Variants in NTRK3 observed in about 807,000 individuals in gnomAD.
The protein encoded by NTRK3 is NT-3 growth factor receptor.
In NTRK3, 24 loss-of-function variants were observed where a neutral mutation model predicts 91.7. The ratio of observed to expected loss-of-function variants is 0.26; its 90% CI spans 0.19 to 0.37. The LOEUF (loss-of-function observed/expected upper bound fraction) is 0.37. Ranked by LOEUF, NTRK3 falls within the 10% of genes least tolerant of loss-of-function variation. The pLI is 1.00. For missense variants in NTRK3, 880 were observed against 1,068.9 expected (o/e 0.82, Z 2.46); for synonymous variants, 483 against 404.0 (o/e 1.20, Z -2.34).
chr15:87,889,406 T>C (rs1393774201), intron 17 of NTRK3, among the ~76,000 whole-genome samples: 3 of 142,518 alleles, frequency 2.1e-5, no homozygotes, highest in Non-Finnish European at 4.6e-5. Flanking sequence ...CTTTTTTTTT[T>C]TTTTTTTTTT....
chr15:88,247,967 C>G (rs77389975), intron 3 of NTRK3, among the ~76,000 whole-genome samples: 15 of 152,202 alleles, frequency 9.9e-5, no homozygotes, highest in Non-Finnish European at 7.3e-5. Flanking sequence ...TAGACACCCC[C>G]CTTTTGCTCT....
chr15:87,979,611 G>GGATT, intron 14 of NTRK3: 1 of 652,496 alleles, frequency 1.5e-6, no homozygotes, highest in South Asian at 1.8e-5. Context: ...TAGGAGGAGG[G>GGATT]GATTAACTTA....
At chr15:88,138,210 G>A (rs931515219) in intron 6 of NTRK3, among the ~76,000 whole-genome samples, 7 of 151,308 alleles carry the variant, frequency 4.6e-5, no homozygotes, top group South Asian at 4.2e-4. Context: ...GAGACCATCC[G>A]GATTAACACT....
chr15:87,980,721 T>C (rs1262736251), intron 14 of NTRK3, among the ~76,000 whole-genome samples: 4 of 152,168 alleles, frequency 2.6e-5, no homozygotes, highest in African/African-American at 9.7e-5. Context: ...GGACATGCTA[T>C]GGACAAAACA....
chr15:88,199,857 G>A lies in NTRK3; in HGVS notation c.249-15558C>T, dbSNP rs947342289. Among the ~76,000 whole-genome samples the A allele has an allele frequency of 3.9e-5, 6 of 152,320 alleles. No homozygotes were observed. In the East Asian group the frequency reaches 1.2e-3, roughly 29 times the overall value. On this transcript the variant is annotated intron_variant, in intron 3 of 18. Coordinates refer to ENST00000394480, the Ensembl canonical transcript of NTRK3. The stretch of plus-strand genomic sequence containing the variant: ...TTGGGAATGTAGAACCTCACAGCTG[G>A]CTCCTGAAATGGAGTTCAGCAGGAC...
intron 13 of NTRK3, among the ~76,000 whole-genome samples, chr15:88,092,316 C>A (rs532942341): frequency 2.0e-4 from 31 of 152,336 alleles, no homozygotes; most frequent in Non-Finnish European, 3.8e-4. Context: ...AAGGCTCCGA[C>A]TGCATGGCCA....
At chr15:88,127,050 T>C in intron 12 of NTRK3, 112 bp downstream of exon 12, 1 of 960,218 alleles carries the variant, frequency 1.0e-6, no homozygotes, top group South Asian at 1.4e-5. Context: ...TTCATTACTT[T>C]TTTTTTTCAA....
At chr15:88,078,470 C>T (rs1411448386) in intron 13 of NTRK3, among the ~76,000 whole-genome samples, 3 of 152,124 alleles carry the variant, frequency 2.0e-5, no homozygotes, top group Non-Finnish European at 2.9e-5. Flanking sequence ...GCCAACATGG[C>T]GAAACCCTGT....
At chr15:88,082,391 A>G (rs1046604307) in intron 13 of NTRK3, among the ~76,000 whole-genome samples, 3 of 152,176 alleles carry the variant, frequency 2.0e-5, no homozygotes, top group Admixed American at 6.5e-5. Context: ...CATACATGCA[A>G]TGAGTGCTGA....
At position 88,064,025 on chromosome 15, in the gene NTRK3, G is replaced by A. The variant is rs551831766; in HGVS notation, c.1397-30980C>T. The stretch of plus-strand genomic sequence containing the variant: ...AAGGATTGGGATGAGATCGTACAGG[G>A]TTAGATCAGGCCCTAAAGCCAACAA... On this transcript the variant is annotated intron_variant, in intron 13 of 18. Coordinates refer to ENST00000394480, the Ensembl canonical transcript of NTRK3. Among the ~76,000 whole-genome samples, 5 of 152,294 alleles carry A rather than the reference G, an allele frequency of 3.3e-5. No homozygotes were observed. In the East Asian group the frequency reaches 9.7e-4, roughly 29 times the overall value.
At chr15:88,057,025 C>A (rs931612167) in intron 13 of NTRK3, among the ~76,000 whole-genome samples, 1 of 151,198 alleles carries the variant, frequency 6.6e-6, no homozygotes, top group African/African-American at 2.4e-5. Flanking sequence ...AAAAATTAGC[C>A]GGGCATGGTG....
intron 14 of NTRK3, among the ~76,000 whole-genome samples, chr15:87,941,098 C>T (rs969618399): frequency 2.0e-5 from 3 of 152,166 alleles, no homozygotes; most frequent in East Asian, 1.9e-4. Context: ...GTTTTGTGCA[C>T]ATGAATCCCC....
chr15:88,201,484 A>C (rs1343319104), intron 3 of NTRK3, among the ~76,000 whole-genome samples: 1 of 152,160 alleles, frequency 6.6e-6, no homozygotes, highest in Non-Finnish European at 1.5e-5. Context: ...ATGGTAATAA[A>C]CTTCACAGTA....
exon 10 of NTRK3, chr15:88,135,239 C>T (rs1307510401): frequency 6.2e-7 from 1 of 1,614,096 alleles, no homozygotes; most frequent in Non-Finnish European, 8.5e-7. Flanking sequence ...GAAATCTCTC[C>T]CTCTTGGTAG....
chr15:88,002,548 A>T (rs150666843), intron 14 of NTRK3, among the ~76,000 whole-genome samples: 136 of 152,276 alleles, frequency 8.9e-4, no homozygotes, highest in Non-Finnish European at 1.5e-3. Context: ...CTCTGCTTTA[A>T]TTCTTAGGAT....
chr15:88,125,961 G>A lies in NTRK3; in HGVS notation c.1396+310C>T, dbSNP rs28573366. Among the ~76,000 whole-genome samples, 3,118 of 152,246 alleles carry A rather than the reference G, an allele frequency of 0.02. 125 individuals are homozygous for A. The highest frequency in any genetic ancestry group is 0.071 in the African/African-American group (2,969 of 41,532). ...CCGTAATGAAAATAAACCAAAGTCC[G>A]TCTTCATTTGCCCTGAAATCCAACT... is the stretch of plus-strand genomic sequence containing the variant. On this transcript the variant is annotated intron_variant, in intron 13 of 18. Transcript: ENST00000394480.
chr15:88,153,022 C>T (rs1259860185), intron 5 of NTRK3, among the ~76,000 whole-genome samples: 1 of 152,210 alleles, frequency 6.6e-6, no homozygotes, highest in Non-Finnish European at 1.5e-5. Flanking sequence ...CTTTTGAGCA[C>T]CGTTTGGTCT....
At chr15:88,141,725 C>T (rs2151266948) in intron 6 of NTRK3, among the ~76,000 whole-genome samples, 1 of 152,370 alleles carries the variant, frequency 6.6e-6, no homozygotes, top group African/African-American at 2.4e-5. Flanking sequence ...CACATCCCAG[C>T]ATCTCATGGC....
intron 13 of NTRK3, among the ~76,000 whole-genome samples, chr15:88,052,578 T>C (rs537435875): frequency 2.6e-5 from 4 of 152,378 alleles, no homozygotes; most frequent in African/African-American, 7.2e-5. Flanking sequence ...CCTACAGCCA[T>C]GCATTGTATG....
Sources: gnomAD v4.1 joint callset for allele counts (sites outside exome capture counted in the v4.1 genomes callset) on GRCh38, gnomAD v4.1.1 for gene constraint, MANE v1.5 for transcripts, NCBI Gene and HGNC (gene_info 2026-07-23, HGNC 2026-07-21) for gene names.